Variants in ERI3 observed in about 807,000 individuals in gnomAD.
ERI3 encodes ERI1 exoribonuclease family member 3, also known as ERI1 exoribonuclease 3.
In ERI3, 18 loss-of-function variants were observed where a neutral mutation model predicts 44.4. The observed-to-expected ratio is 0.41, with a 90% CI of 0.28 to 0.60. The LOEUF is 0.60. Ranked by LOEUF, ERI3 falls within the 20% of genes least tolerant of loss-of-function variation. The pLI is 0.36. For synonymous variants in ERI3, 183 were observed against 164.8 expected, an observed-to-expected ratio of 1.11 and a Z score of -0.84; for missense variants, 294 against 435.5, an observed-to-expected ratio of 0.68 and a Z score of 2.89.
At chr1:44,259,006 A>T (rs1644832741) in intron 7 of ERI3, among the ~76,000 whole-genome samples, 1 of 152,084 alleles carries the variant, frequency 6.6e-6, no homozygotes, top group South Asian at 2.1e-4. Flanking sequence ...TATGATGGAG[A>T]GTGCACGCTT....
chr1:44,320,372 C>A (rs573777849), intron 3 of ERI3, among the ~76,000 whole-genome samples: 8 of 152,238 alleles, frequency 5.3e-5, no homozygotes, highest in Non-Finnish European at 8.8e-5. Context: ...CTTTCCCAGT[C>A]CACTGAAACA....
chr1:44,223,354 AG>A (rs1436788896), intron 8 of ERI3, among the ~76,000 whole-genome samples: 1 of 152,056 alleles, frequency 6.6e-6, no homozygotes, highest in African/African-American at 2.4e-5. Flanking sequence ...GGCAGTTGAC[AG>A]GAAGGGGAAT....
chr1:44,226,075 G>A (rs1427255844), intron 8 of ERI3, among the ~76,000 whole-genome samples: 1 of 152,136 alleles, frequency 6.6e-6, no homozygotes, highest in Non-Finnish European at 1.5e-5. Flanking sequence ...GTTAAGCAGA[G>A]GTCTTAGGGG....
intron 6 of ERI3, among the ~76,000 whole-genome samples, chr1:44,305,462 C>T (rs1645812530): frequency 6.6e-6 from 1 of 152,140 alleles, no homozygotes; most frequent in Non-Finnish European, 1.5e-5. Flanking sequence ...TGACCAAGAG[C>T]CAGACCCACA....
intron 5 of ERI3, among the ~76,000 whole-genome samples, chr1:44,311,109 GCTCA>G (rs1436892743): frequency 6.6e-6 from 1 of 151,164 alleles, no homozygotes; most frequent in Non-Finnish European, 1.5e-5. Context: ...CCTCCCCCAA[GCTCA>G]CTGTTTTATA....
chr1:44,282,744 T>G (rs1461758844), intron 7 of ERI3, among the ~76,000 whole-genome samples: 1 of 152,208 alleles, frequency 6.6e-6, no homozygotes, highest in Non-Finnish European at 1.5e-5. Context: ...GTTAGACCCC[T>G]TATGTCTCCC....
chr1:44,286,642 T>C (rs1645400043), intron 6 of ERI3, among the ~76,000 whole-genome samples: 1 of 152,170 alleles, frequency 6.6e-6, no homozygotes, highest in Non-Finnish European at 1.5e-5. Context: ...CAGACCATCA[T>C]CACACACAAG....
intron 8 of ERI3, among the ~76,000 whole-genome samples, chr1:44,236,011 C>T (rs1414422200): frequency 2.0e-5 from 3 of 152,206 alleles, no homozygotes; most frequent in Admixed American, 6.5e-5. Context: ...TTGCCTGGCT[C>T]AGCTCCCAAT....
At chr1:44,236,050 C>T (rs1423053001) in intron 8 of ERI3, among the ~76,000 whole-genome samples, 1 of 152,168 alleles carries the variant, frequency 6.6e-6, no homozygotes, top group Non-Finnish European at 1.5e-5. Context: ...GTTTGTTTGT[C>T]GCTAACAGGT....
At chr1:44,240,356 T>G (rs759983640) in intron 8 of ERI3, among the ~76,000 whole-genome samples, 8 of 152,226 alleles carry the variant, frequency 5.3e-5, no homozygotes, top group Non-Finnish European at 7.3e-5. Context: ...AGGGTCTGTG[T>G]TCACAGGCTA....
Position 44,234,852 on chromosome 1 carries a change from C to T in ERI3, c.931+13087G>A, listed in dbSNP as rs118167988. 3.0e-4 allele frequency among the ~76,000 whole-genome samples: 46 copies of T among 152,072 alleles called. 2 individuals are homozygous for T. The East Asian group carries it at 8.4e-3, about 28-fold the overall frequency. On this transcript the variant is annotated intron_variant, in intron 8 of 8. Coordinates refer to ENST00000372257, the MANE Select transcript of ERI3 (RefSeq NM_024066.3). Reference sequence around the variant, plus strand: ...CCGCCTCCCAGGTTCAGCCGATTCCCGTGCCTCAGCCTCCCAAGTAGCTGG... The same window carrying T: ...CCGCCTCCCAGGTTCAGCCGATTCCTGTGCCTCAGCCTCCCAAGTAGCTGG...
At chr1:44,291,246 C>T (rs1199854762) in intron 6 of ERI3, among the ~76,000 whole-genome samples, 1 of 152,168 alleles carries the variant, frequency 6.6e-6, no homozygotes, top group Non-Finnish European at 1.5e-5. Context: ...CTCTCTTGGC[C>T]GCTGCTGATG....
chr1:44,311,002 C>T (rs1452492616), intron 5 of ERI3, among the ~76,000 whole-genome samples: 2 of 149,708 alleles, frequency 1.3e-5, no homozygotes, highest in African/African-American at 4.9e-5. Flanking sequence ...CACACACACA[C>T]ACACACACAC....
intron 8 of ERI3, among the ~76,000 whole-genome samples, chr1:44,238,698 G>T (rs1644364285): frequency 6.6e-6 from 1 of 152,058 alleles, no homozygotes; most frequent in Admixed American, 6.5e-5. Flanking sequence ...ATGGGCCCAT[G>T]GAAGGGATAT....
intron 7 of ERI3, among the ~76,000 whole-genome samples, chr1:44,274,565 T>C (rs1464201663): frequency 6.6e-6 from 1 of 152,140 alleles, no homozygotes; most frequent in South Asian, 2.1e-4. Flanking sequence ...ACATTCCCTC[T>C]AGCTCCAGCA....
intron 6 of ERI3, 25 bp downstream of exon 6, chr1:44,308,280 TGCCAG>T: frequency 6.5e-7 from 1 of 1,529,242 alleles, no homozygotes; most frequent in Non-Finnish European, 9.1e-7. Flanking sequence ...TTCCAAGCCC[TGCCAG>T]CAAAGCAGCC....
intron 2 of ERI3, among the ~76,000 whole-genome samples, chr1:44,345,494 A>G (rs1479706380): frequency 1.3e-5 from 2 of 152,224 alleles, no homozygotes; most frequent in Non-Finnish European, 2.9e-5. Flanking sequence ...GCACCTAGGA[A>G]TACAACAATC....
intron 7 of ERI3, among the ~76,000 whole-genome samples, chr1:44,282,712 G>A (rs566218075): frequency 2.8e-4 from 43 of 152,300 alleles, no homozygotes; most frequent in African/African-American, 9.9e-4. Context: ...ATACAAAGTG[G>A]CTGGAGTGCA....
intron 1 of ERI3, 110 bp from the exon 2 acceptor site, chr1:44,353,035 T>A: frequency 1.3e-6 from 2 of 1,561,368 alleles, no homozygotes; most frequent in Non-Finnish European, 1.7e-6. Flanking sequence ...GGATAACTGC[T>A]ATCTATGTGC....
Sources: gnomAD v4.1 joint callset for allele counts (sites outside exome capture counted in the v4.1 genomes callset) on GRCh38, gnomAD v4.1.1 for gene constraint, MANE v1.5 for transcripts, NCBI Gene and HGNC (gene_info 2026-07-23, HGNC 2026-07-21) for gene names.